Variants in PAEP observed in about 807,000 individuals in gnomAD.
PAEP encodes the protein progestagen associated endometrial protein.
In PAEP, 28 loss-of-function variants were observed where a neutral mutation model predicts 23.0. The ratio of observed to expected loss-of-function variants is 1.22; its 90% CI spans 0.90 to 1.67. The LOEUF (loss-of-function observed/expected upper bound fraction) is 1.67, where lower values mean the gene tolerates loss of function less well. PAEP is among the 40% of genes most tolerant of loss of function. The pLI is 0.00. For synonymous variants in PAEP, 103 were observed against 92.4 expected, an observed-to-expected ratio of 1.12 and a Z score of -0.66; for missense variants, 209 against 226.4, an observed-to-expected ratio of 0.92 and a Z score of 0.49.
At chr9:135,564,486 T>A (rs1286531094) in intron 4 of PAEP, 132 bp downstream of exon 4, 2 of 1,455,600 alleles carry the variant, frequency 1.4e-6, no homozygotes, top group South Asian at 3.0e-5. Flanking sequence ...TTTTTCTTGG[T>A]TTTTTTTATT....
In PAEP at chr9:135,564,306, C is replaced by T; in HGVS notation, c.373C>T (p.Leu125=). The T allele has an allele frequency of 6.4e-7, 1 of 1,552,790 alleles. No homozygotes were observed. The highest frequency in any genetic ancestry group is 8.7e-7 in the Non-Finnish European group (1 of 1,147,784). The change falls in exon 4 of 7, where the codon CTA becomes TTA. Residue 125 remains leucine, a synonymous_variant. Transcript: ENST00000479141. Reference sequence around the variant, plus strand: ...CTACGACAATTTCCTGTTTCTCTGCCTACAGGACACCACCACCCCCATCCA... The same window carrying T: ...CTACGACAATTTCCTGTTTCTCTGCTTACAGGACACCACCACCCCCATCCA... The part of the protein sequence containing the change: ...TDYDNFLFLC[L]QDTTTPIQSM...
chr9:135,562,223 GC>G, intron 1 of PAEP, 70 bp from the exon 2 acceptor site: 1 of 1,557,100 alleles, frequency 6.4e-7, no homozygotes, highest in Non-Finnish European at 8.7e-7. Context: ...GTTAGACTCA[GC>G]CCCGTCTGCA....
At chr9:135,562,582 G>T in intron 2 of PAEP, 149 bp downstream of exon 2, 1 of 1,116,360 alleles carries the variant, frequency 9.0e-7, no homozygotes, top group Admixed American at 2.4e-5. Context: ...ATGAGGGTGG[G>T]GTGGAAAACC....
chr9:135,566,885 A>G lies in PAEP; in HGVS notation c.*333A>G, dbSNP rs1163221016. ...GCAGAACCGGAGCTCCTACAGACCC[A>G]TGGGCAGCTTCTGGTGGAGAAAATA... On this transcript the variant is annotated 3_prime_UTR_variant, in exon 7 of 7. Transcript: ENST00000479141. 6.5e-6 allele frequency: 1 copy of G among 153,280 alleles called. No individual in the cohort carries two copies. Among genetic ancestry groups the G allele is most frequent in the Non-Finnish European group, 1.5e-5 (1 of 68,074 alleles). 9.5% of individuals were successfully genotyped at this position (153,280 alleles called of 1,614,324 possible).
At chr9:135,561,958 G>T in intron 1 of PAEP, 61 bp downstream of exon 1, 1 of 1,248,508 alleles carries the variant, frequency 8.0e-7, no homozygotes, top group Admixed American at 2.1e-5. Context: ...GGGAGCTGCG[G>T]GCAGGCAGGA....
At chr9:135,563,457 A>G (rs1429562320) in intron 3 of PAEP, among the ~76,000 whole-genome samples, 1 of 116,764 alleles carries the variant, frequency 8.6e-6, no homozygotes, top group African/African-American at 3.3e-5. Flanking sequence ...TGGGTGGGTG[A>G]ACAGGTGGCC....
intron 3 of PAEP, among the ~76,000 whole-genome samples, chr9:135,563,481 G>A: frequency 9.9e-6 from 1 of 100,814 alleles, no homozygotes; most frequent in South Asian, 4.1e-4. Context: ...TGAACAAGTT[G>A]GTAGGTGGGC....
At chr9:135,564,920 A>C in intron 4 of PAEP, 2 of 972,288 alleles carry the variant, frequency 2.1e-6, no homozygotes, top group Non-Finnish European at 2.4e-6. Flanking sequence ...ATTAATACTC[A>C]CTGGGCGTCC....
In PAEP at chr9:135,564,363, C is replaced by T; in HGVS notation, c.421+9C>T. On this transcript the variant is annotated intron_variant, in intron 4 of 6. Coordinates refer to ENST00000479141, the MANE Select transcript of PAEP (RefSeq NM_002571.4). ...GATGTGCCAGTACCTGGGTGGGTCT[C>T]ACAGCACATGAGCTCAACGTGGGTG... 1 of 1,549,414 alleles carries T rather than the reference C, an allele frequency of 6.5e-7. No individual in the cohort carries two copies. Among genetic ancestry groups the T allele is most frequent in the African/African-American group, 1.4e-5 (1 of 73,132 alleles).
intron 5 of PAEP, 54 bp downstream of exon 5, chr9:135,565,568 T>G (rs374250987): frequency 2.0e-6 from 3 of 1,538,308 alleles, no homozygotes; most frequent in African/African-American, 2.7e-5. Context: ...GCTGCCTCTT[T>G]CTTAGCCCGA....
rs1832361726 is a variant in PAEP at position 135,562,578 on chromosome 9, G to T, written c.236+145G>T. On this transcript the variant is annotated intron_variant, in intron 2 of 6. Coordinates refer to ENST00000479141, the MANE Select transcript of PAEP (RefSeq NM_002571.4). ...GCTTCACTGTGGCCCTTCCATGAGG[G>T]TGGGGTGGAAAACCAGGGCTCCAGA... 3.5e-6 allele frequency: 4 copies of T among 1,134,004 alleles called. No individual in the cohort carries two copies. The East Asian group carries it at 9.5e-5, about 27-fold the overall frequency. 70.2% of individuals were successfully genotyped at this position (1,134,004 alleles called of 1,614,324 possible).
chr9:135,565,289 T>C (rs977834462), intron 4 of PAEP, 121 bp from the exon 5 acceptor site: 1 of 818,750 alleles, frequency 1.2e-6, no homozygotes, highest in Admixed American at 2.0e-5. Flanking sequence ...GACCAAACTC[T>C]GCCAGACCTC....
In PAEP at chr9:135,564,091, G is replaced by T. The variant is rs147045490; in HGVS notation, c.311-153G>T. On this transcript the variant is annotated intron_variant, in intron 3 of 6. Transcript: ENST00000479141. ...TGCCTCTCCTCCCCTTTCCTCCCTG[G>T]CTTCCCTGATCATGGTCCACAGCAG... 2.0e-4 allele frequency among the ~76,000 whole-genome samples: 31 copies of T among 152,228 alleles called. No individual in the cohort carries two copies. The East Asian group carries it at 3.9e-3, about 19-fold the overall frequency.
Position 135,564,267 on chromosome 9 carries a change from C to T in PAEP, c.334C>T (p.Leu112=), listed in dbSNP as rs1010452794. The change falls in exon 4 of 7, where the codon CTG becomes TTG. Residue 112 remains leucine (L), a synonymous_variant. Transcript: ENST00000479141. ...AGATACGGTGGCGAACGAGGCCACG[C>T]TGCTCGATACTGACTACGACAATTT... ...INYTVANEAT[L]LDTDYDNFLF... is the part of the protein sequence containing the mutation. The T allele has an allele frequency of 6.4e-7, 1 of 1,553,216 alleles. No homozygotes were observed. Among genetic ancestry groups the T allele is most frequent in the Non-Finnish European group, 8.7e-7 (1 of 1,147,738 alleles).
intron 3 of PAEP, 62 bp from the exon 4 acceptor site, chr9:135,564,182 G>A: frequency 6.5e-7 from 1 of 1,543,600 alleles, no homozygotes; most frequent in South Asian, 1.2e-5. Flanking sequence ...CCACACACCT[G>A]CACAGGACTC....
intron 1 of PAEP, 103 bp from the exon 2 acceptor site, chr9:135,562,191 A>G: frequency 7.6e-7 from 1 of 1,320,272 alleles, no homozygotes; most frequent in Non-Finnish European, 1.0e-6. Flanking sequence ...ACAACCATCC[A>G]ATGCTCACTG....
At position 135,562,727 on chromosome 9, in the gene PAEP, C is replaced by T. The variant is rs139819460; in HGVS notation, c.237-93C>T. ...TGCGGGCTGCGGTGCTCCTTGGACC[C>T]GGGGAAGTTCCCGTGGTGACCTGAT... On this transcript the variant is annotated intron_variant, in intron 2 of 6. Coordinates refer to ENST00000479141, the MANE Select transcript of PAEP (RefSeq NM_002571.4). 708 of 1,077,688 alleles carry T rather than the reference C, an allele frequency of 6.6e-4. 9 individuals are homozygous for T. In the East Asian group the frequency reaches 0.015, roughly 22 times the overall value. 66.8% of individuals were successfully genotyped at this position (1,077,688 alleles called of 1,614,324 possible). A position where few individuals can be genotyped will look rare whatever the true frequency, so the allele number is the denominator to read the frequency against.
intron 2 of PAEP, 129 bp downstream of exon 2, chr9:135,562,562 T>A: frequency 8.3e-7 from 1 of 1,209,774 alleles, no homozygotes; most frequent in Non-Finnish European, 1.2e-6. Flanking sequence ...GGCTTCACTG[T>A]GGCCCTTCCA....
chr9:135,564,248 G>A lies in PAEP; in HGVS notation c.315G>A (p.Thr105=), dbSNP rs1000254890. The part of the protein sequence containing the change: ...ENPKKFKINY[T]VANEATLLDT... ...GTTCTTCTCTTCTTTCCCCAGATAC[G>A]GTGGCGAACGAGGCCACGCTGCTCG... Residue 105 remains threonine (T), a synonymous_variant, in exon 4 of 7, where the codon ACG becomes ACA. Transcript: ENST00000479141. The A allele has an allele frequency of 1.0e-5, 16 of 1,552,376 alleles. No homozygotes were observed. Among genetic ancestry groups the A allele is most frequent in the African/African-American group, 1.4e-5 (1 of 73,082 alleles).
Sources: allele counts gnomAD v4.1 joint callset (sites outside exome capture counted in the v4.1 genomes callset), GRCh38; gene constraint gnomAD v4.1.1; transcripts MANE v1.5; gene names NCBI Gene and HGNC (gene_info 2026-07-23, HGNC 2026-07-21).